The following CENPP variants were observed in gnomAD, a reference collection of about 807,000 sequenced individuals.
The protein encoded by CENPP is centromere protein P.
CENPP carries 24 observed loss-of-function variants against 35.6 expected under a neutral mutation model. The observed-to-expected ratio is 0.67, with a 90% CI of 0.49 to 0.95. CENPP has a LOEUF of 0.95. Among genes scored for constraint, CENPP ranks in the 40% least tolerant of loss-of-function variants. The pLI is 0.00. For missense variants in CENPP, 332 were observed against 345.3 expected (o/e 0.96, Z 0.31); for synonymous variants, 120 against 125.5 (o/e 0.96, Z 0.29).
chr9:92,585,028 C>T (rs944674685), intron 5 of CENPP, among the ~76,000 whole-genome samples: 2 of 152,144 alleles, frequency 1.3e-5, no homozygotes, highest in Non-Finnish European at 2.9e-5. Flanking sequence ...CTAACTGTAA[C>T]CACAAGTGAT....
intron 5 of CENPP, among the ~76,000 whole-genome samples, chr9:92,445,469 G>A (rs1844528950): frequency 6.6e-6 from 1 of 152,042 alleles, no homozygotes; most frequent in African/African-American, 2.4e-5. Flanking sequence ...GTCCACCTTG[G>A]AGCCTGACAA....
chr9:92,349,037 A>AT (rs1313764249), intron 4 of CENPP, among the ~76,000 whole-genome samples: 2 of 152,190 alleles, frequency 1.3e-5, no homozygotes, highest in Non-Finnish European at 2.9e-5. Flanking sequence ...ATTATCAACC[A>AT]TGTCTTTTAA....
Position 92,618,515 on chromosome 9 carries a change from C to G in CENPP, c.*5366C>G. On this transcript the variant is annotated 3_prime_UTR_variant, in exon 8 of 8. Coordinates refer to ENST00000375587, the MANE Select transcript of CENPP (RefSeq NM_001012267.3). ...ATCCAAGCACATTTCCATTGCCCAG[C>G]TGCATCCTTGGTCGGGGGGCTGCTG... is the stretch of plus-strand genomic sequence containing the variant. 1 of 456,754 alleles carries G rather than the reference C, an allele frequency of 2.2e-6. No homozygotes were observed. Among genetic ancestry groups the G allele is most frequent in the Non-Finnish European group, 4.4e-6 (1 of 226,972 alleles). 28.3% of individuals were successfully genotyped at this position (456,754 alleles called of 1,614,324 possible). A position where few individuals can be genotyped will look rare whatever the true frequency, so the allele number is the denominator to read the frequency against.
chr9:92,372,820 C>CTT (rs112464210), intron 4 of CENPP, among the ~76,000 whole-genome samples: 8 of 145,148 alleles, frequency 5.5e-5, no homozygotes, highest in South Asian at 4.4e-4. Flanking sequence ...TTTTCTTTTT[C>CTT]TTTTTTTTTT....
At chr9:92,333,031 AC>A (rs2130780319) in intron 2 of CENPP, among the ~76,000 whole-genome samples, 1 of 152,322 alleles carries the variant, frequency 6.6e-6, no homozygotes, top group South Asian at 2.1e-4. Flanking sequence ...TTCAGCACTG[AC>A]ATGAAAGCTG....
chr9:92,509,034 T>C (rs559247938), intron 5 of CENPP, among the ~76,000 whole-genome samples: 28 of 151,844 alleles, frequency 1.8e-4, no homozygotes, highest in African/African-American at 6.3e-4. Flanking sequence ...TAAAATGTGA[T>C]AAAGCCTCTT....
chr9:92,353,635 T>C (rs1042047156), intron 4 of CENPP, among the ~76,000 whole-genome samples: 1 of 152,214 alleles, frequency 6.6e-6, no homozygotes, highest in Non-Finnish European at 1.5e-5. Flanking sequence ...GAGCCCAAAG[T>C]GTCCAGGTGG....
intron 5 of CENPP, among the ~76,000 whole-genome samples, chr9:92,388,831 C>CAAAAAAA (rs533649013): frequency 1.2e-5 from 1 of 83,592 alleles, no homozygotes. Context: ...GACTCCATCT[C>CAAAAAAA]AAAAAAAAAA....
intron 5 of CENPP, among the ~76,000 whole-genome samples, chr9:92,573,590 A>G (rs928210858): frequency 6.6e-6 from 1 of 152,076 alleles, no homozygotes; most frequent in Non-Finnish European, 1.5e-5. Flanking sequence ...TCAGATCTCA[A>G]ACTCCGTGCT....
At chr9:92,592,242 C>T (rs10992380) in intron 5 of CENPP, among the ~76,000 whole-genome samples, 26,795 of 151,972 alleles carry the variant, frequency 0.18, 3,424 homozygotes, top group East Asian at 0.66. Context: ...ACCACCACTC[C>T]GATCAGGAAA....
intron 5 of CENPP, among the ~76,000 whole-genome samples, chr9:92,579,176 C>A (rs1850357653): frequency 6.7e-6 from 1 of 148,202 alleles, no homozygotes; most frequent in South Asian, 2.2e-4. Context: ...GTTTTGGTAC[C>A]AGTACCATGC....
chr9:92,567,373 G>GATATATATATATATATATATATATAT lies in CENPP; in HGVS notation c.565-43918_565-43917insTATATATATATATATATATATATATA. ...ATGGGGTATACAGTTACATAAGATA[G>GATATATATATATATATATATATATAT]ATATATATATATATATATATATAGA... is the stretch of plus-strand genomic sequence containing the variant. On this transcript the variant is annotated intron_variant, in intron 5 of 7. Transcript: ENST00000375587. 9.1e-4 allele frequency among the ~76,000 whole-genome samples: 117 copies of GATATATATATATATATATATATATAT among 129,030 alleles called. 3 individuals carry two copies. The highest frequency in any genetic ancestry group is 1.5e-3 in the Non-Finnish European group (91 of 60,620). The allele number at this position is 129,030 out of a possible 152,430, so 84.6% of individuals were successfully genotyped here.
chr9:92,469,418 T>C (rs971348921), intron 5 of CENPP, among the ~76,000 whole-genome samples: 1 of 152,060 alleles, frequency 6.6e-6, no homozygotes, highest in Non-Finnish European at 1.5e-5. Context: ...TCAGCATGCA[T>C]GTCCTCAATC....
At chr9:92,559,622 C>T (rs775736925) in intron 5 of CENPP, among the ~76,000 whole-genome samples, 29 of 152,216 alleles carry the variant, frequency 1.9e-4, no homozygotes, top group Non-Finnish European at 3.5e-4. Context: ...ATAATCTAGT[C>T]CTGCCTCCTG....
intron 5 of CENPP, among the ~76,000 whole-genome samples, chr9:92,603,344 T>G (rs1008697381): frequency 6.6e-6 from 1 of 152,244 alleles, no homozygotes; most frequent in African/African-American, 2.4e-5. Context: ...GAGGTGCCTT[T>G]GTATTTGTCA....
intron 5 of CENPP, among the ~76,000 whole-genome samples, chr9:92,450,651 G>A (rs1844681821): frequency 6.6e-6 from 1 of 152,150 alleles, no homozygotes; most frequent in Admixed American, 6.5e-5. Context: ...TCTAGTTCCA[G>A]ATCTCTGGGG....
At chr9:92,454,744 T>C (rs190903311) in intron 5 of CENPP, among the ~76,000 whole-genome samples, 1 of 152,140 alleles carries the variant, frequency 6.6e-6, no homozygotes, top group South Asian at 2.1e-4. Context: ...CTACCCTTTA[T>C]AGGTGAGGAA....
chr9:92,397,999 G>A (rs1026179390), intron 5 of CENPP, among the ~76,000 whole-genome samples: 23 of 151,948 alleles, frequency 1.5e-4, no homozygotes, highest in Admixed American at 3.9e-4. Context: ...CCACCTTTCC[G>A]TATTTGTAAT....
chr9:92,492,020 T>C (rs974566081), intron 5 of CENPP, among the ~76,000 whole-genome samples: 1 of 152,204 alleles, frequency 6.6e-6, no homozygotes, highest in Non-Finnish European at 1.5e-5. Context: ...TTCACATTCC[T>C]GTTTCAAGGT....
Sources: allele counts gnomAD v4.1 joint callset (sites outside exome capture counted in the v4.1 genomes callset), GRCh38; gene constraint gnomAD v4.1.1; transcripts MANE v1.5; gene names NCBI Gene and HGNC (gene_info 2026-07-23, HGNC 2026-07-21).